ABCA1: variants seen among roughly 807,000 people sequenced by gnomAD.
ABCA1 encodes ATP binding cassette subfamily A member 1.
ABCA1 carries 133 observed loss-of-function variants against 262.5 expected under a neutral mutation model. The ratio of observed to expected loss-of-function variants is 0.51; its 90% CI spans 0.44 to 0.59. The LOEUF is 0.59. ABCA1 is among the 20% of genes least tolerant of loss of function. ABCA1 has a pLI of 0.00. For missense variants in ABCA1, 2,452 were observed against 2,777.5 expected (o/e 0.88, Z 2.63); for synonymous variants, 1,022 against 1,043.5 (o/e 0.98, Z 0.40).
chr9:104,812,010 G>T (rs1471356017), intron 28 of ABCA1, among the ~76,000 whole-genome samples: 1 of 152,116 alleles, frequency 6.6e-6, no homozygotes, highest in African/African-American at 2.4e-5. Context: ...TTCTAACTAA[G>T]CAAGTTAGCA....
intron 9 of ABCA1, 90 bp from the exon 10 acceptor site, chr9:104,837,657 T>C: frequency 6.7e-7 from 1 of 1,497,760 alleles, no homozygotes; most frequent in Non-Finnish European, 9.2e-7. Context: ...AGTTCTTAGT[T>C]GAAACCCCAG....
rs535260947 is a variant in ABCA1 at position 104,813,413 on chromosome 9, C to T, written c.3902-691G>A. Among the ~76,000 whole-genome samples, 86 of 151,628 alleles carry T rather than the reference C, an allele frequency of 5.7e-4. 3 individuals are homozygous for T. In the South Asian group the frequency reaches 0.018, roughly 31 times the overall value. ...ACACACTCATCCAAAATATCTAATTCTTTTTTTTTCTTTTTTGAGATGGAG... is the reference window on the plus strand; with the variant it reads ...ACACACTCATCCAAAATATCTAATTTTTTTTTTTTCTTTTTTGAGATGGAG... On this transcript the variant is annotated intron_variant, in intron 27 of 49. Transcript: ENST00000374736.
chr9:104,919,599 G>A (rs946687141), intron 1 of ABCA1, among the ~76,000 whole-genome samples: 4 of 149,938 alleles, frequency 2.7e-5, no homozygotes, highest in Non-Finnish European at 5.9e-5. Context: ...GCAACATAAC[G>A]AGACTCCATC....
At chr9:104,882,893 G>A in intron 5 of ABCA1, 146 bp downstream of exon 5, 1 of 797,646 alleles carries the variant, frequency 1.3e-6, no homozygotes, top group Non-Finnish European at 2.2e-6. Flanking sequence ...GCCTCCTGGA[G>A]AGGGGCCCCA....
intron 1 of ABCA1, among the ~76,000 whole-genome samples, chr9:104,912,179 T>C (rs1280887055): frequency 1.3e-5 from 2 of 152,272 alleles, no homozygotes; most frequent in Non-Finnish European, 2.9e-5. Context: ...ATGAATATTG[T>C]ACAAATCTAT....
At chr9:104,802,558 C>T (rs914546) in intron 33 of ABCA1, among the ~76,000 whole-genome samples, 11,222 of 152,180 alleles carry the variant, frequency 0.074, 654 homozygotes, top group East Asian at 0.17. Context: ...ACACAGGCTC[C>T]GGCTCCTTTC....
intron 25 of ABCA1, 81 bp from the exon 26 acceptor site, chr9:104,814,556 G>C: frequency 1.5e-6 from 2 of 1,329,422 alleles, no homozygotes; most frequent in South Asian, 2.4e-5. Context: ...TTATATTACT[G>C]AGTGGCATGT....
rs760244801 is a variant in ABCA1 at position 104,879,073 on chromosome 9, T to TAAA, written c.421+3963_421+3965dup. On this transcript the variant is annotated intron_variant, in intron 5 of 49. Coordinates refer to ENST00000374736, the MANE Select transcript of ABCA1 (RefSeq NM_005502.4). Reference sequence around the variant, plus strand: ...CTGGTGACAGAGCGAGGCTCTGTCTTAAAAAAAAAAAAGAAAGAAAAGAAA... The same window carrying TAAA: ...CTGGTGACAGAGCGAGGCTCTGTCTTAAAAAAAAAAAAAAAGAAAGAAAAGAAA... Among the ~76,000 whole-genome samples the TAAA allele has an allele frequency of 7.7e-5, 11 of 143,296 alleles. 1 individual carries two copies. The highest frequency in any genetic ancestry group is 2.6e-4 in the African/African-American group (10 of 38,906). 94.0% of individuals were successfully genotyped at this position (143,296 alleles called of 152,430 possible).
chr9:104,822,410 A>G (rs533855153), intron 19 of ABCA1, 86 bp downstream of exon 19: 76 of 1,557,302 alleles, frequency 4.9e-5, no homozygotes, highest in Non-Finnish European at 6.5e-5. Flanking sequence ...CCCAGGGATC[A>G]GCATGGTTTC....
intron 1 of ABCA1, among the ~76,000 whole-genome samples, chr9:104,918,313 T>C (rs913459288): frequency 5.9e-5 from 9 of 152,146 alleles, no homozygotes; most frequent in African/African-American, 2.2e-4. Flanking sequence ...ATTTAACAGG[T>C]ACCAAACCAT....
chr9:104,864,945 A>G (rs1836952689), intron 5 of ABCA1, among the ~76,000 whole-genome samples: 1 of 152,208 alleles, frequency 6.6e-6, no homozygotes, highest in Admixed American at 6.5e-5. Flanking sequence ...AAGAACCCAG[A>G]GACTGATTAA....
chr9:104,837,665 C>T (rs1044672959), intron 9 of ABCA1, 98 bp from the exon 10 acceptor site: 3 of 1,411,892 alleles, frequency 2.1e-6, no homozygotes, highest in Non-Finnish European at 3.0e-6. Flanking sequence ...GTTGAAACCC[C>T]AGCTCTACCA....
intron 16 of ABCA1, 52 bp downstream of exon 16, chr9:104,826,896 C>T: frequency 2.6e-6 from 4 of 1,543,400 alleles, no homozygotes; most frequent in Non-Finnish European, 3.6e-6. Context: ...TCAGGGACTC[C>T]AAAGGAAGGT....
chr9:104,845,977 G>A (rs1224401079), intron 7 of ABCA1, among the ~76,000 whole-genome samples: 1 of 152,114 alleles, frequency 6.6e-6, no homozygotes, highest in Non-Finnish European at 1.5e-5. Context: ...AAAATATAAA[G>A]TTTAAAGCTG....
At position 104,784,457 on chromosome 9, in the gene ABCA1, T is replaced by C; in HGVS notation, c.6646-2A>G. The stretch of plus-strand genomic sequence containing the variant: ...GTCCTTGGCAAAGTTCACAAATACC[T>C]GTTAAAAGATTAAGATGGACCTTTA... On this transcript the variant is annotated splice_acceptor_variant, in intron 49 of 49. Coordinates refer to ENST00000374736, the MANE Select transcript of ABCA1 (RefSeq NM_005502.4). LOFTEE classifies it high-confidence loss of function. 1 of 1,614,076 alleles carries C rather than the reference T, an allele frequency of 6.2e-7. No homozygotes were observed. The highest frequency in any genetic ancestry group is 8.5e-7 in the Non-Finnish European group (1 of 1,179,978).
chr9:104,837,531 G>T lies in ABCA1; in HGVS notation c.1091C>A (p.Ser364Tyr). The T allele has an allele frequency of 6.2e-7, 1 of 1,614,146 alleles. No individual in the cohort carries two copies. ...YCNDLMKNLE[S>Y]SPLSRIIWKA... ...CCAGATAATGCGGGAAAGAGGACTA[G>T]ACTCCAAATTCTTCATCAAATCATT... The change falls in exon 10 of 50, where the codon TCT (serine) becomes TAT (tyrosine). Residue 364 changes from serine to tyrosine, a missense_variant. Ser to Tyr is a moderately radical substitution (Grantham distance 144). Transcript: ENST00000374736.
intron 28 of ABCA1, 22 bp from the exon 29 acceptor site, chr9:104,810,946 G>A: frequency 6.2e-7 from 1 of 1,614,066 alleles, no homozygotes; most frequent in Non-Finnish European, 8.5e-7. Flanking sequence ...CAGTGGAGGG[G>A]GCAGGGGGAC....
At chr9:104,870,023 G>A (rs1837460497) in intron 5 of ABCA1, among the ~76,000 whole-genome samples, 1 of 152,170 alleles carries the variant, frequency 6.6e-6, no homozygotes, top group Admixed American at 6.5e-5. Context: ...CAAAATAAAT[G>A]TGGATAAAGT....
At chr9:104,851,261 A>G (rs757903211) in intron 7 of ABCA1, among the ~76,000 whole-genome samples, 13 of 152,260 alleles carry the variant, frequency 8.5e-5, no homozygotes, top group Non-Finnish European at 1.6e-4. Flanking sequence ...TATTCACCTC[A>G]TCAAGTCACT....
Sources: allele counts gnomAD v4.1 joint callset (sites outside exome capture counted in the v4.1 genomes callset), GRCh38; gene constraint gnomAD v4.1.1; transcripts MANE v1.5; gene names NCBI Gene and HGNC (gene_info 2026-07-23, HGNC 2026-07-21).